The following SCFD1 variants were observed in gnomAD, a reference collection of about 807,000 sequenced individuals.
SCFD1 encodes the protein sec1 family domain-containing protein 1.
Under a neutral mutation model 103.2 loss-of-function variants are expected in SCFD1, and 37 were observed. The observed-to-expected ratio is 0.36, with a 90% confidence interval of 0.28 to 0.47. SCFD1 has a LOEUF of 0.47. SCFD1 is among the 20% of genes least tolerant of loss of function. The probability of loss-of-function intolerance (pLI) is 1.00; values close to 1 mark genes in which losing one functional copy is unlikely to be tolerated. For missense variants in SCFD1, 639 were observed against 761.2 expected (o/e 0.84, Z 1.89); for synonymous variants, 264 against 245.0 (o/e 1.08, Z -0.73).
At chr14:30,718,874 A>G (rs1332531414) in intron 20 of SCFD1, among the ~76,000 whole-genome samples, 2 of 152,236 alleles carry the variant, frequency 1.3e-5, no homozygotes, top group African/African-American at 4.8e-5. Flanking sequence ...CATTGGGTAC[A>G]GGACTAAATA....
intron 7 of SCFD1, among the ~76,000 whole-genome samples, chr14:30,647,851 A>G (rs1323623593): frequency 2.0e-5 from 3 of 151,980 alleles, no homozygotes; most frequent in Non-Finnish European, 4.4e-5. Context: ...GGGTTTCACC[A>G]TGTTGGCCAG....
chr14:30,646,136 C>T (rs893692475), intron 7 of SCFD1, among the ~76,000 whole-genome samples: 1 of 152,144 alleles, frequency 6.6e-6, no homozygotes, highest in Non-Finnish European at 1.5e-5. Context: ...AGCAATTCTG[C>T]CTCAGCCTCC....
intron 15 of SCFD1, among the ~76,000 whole-genome samples, chr14:30,698,562 C>T (rs1407989055): frequency 6.6e-6 from 1 of 152,182 alleles, no homozygotes; most frequent in Non-Finnish European, 1.5e-5. Flanking sequence ...CCCTAAAACT[C>T]GGAGGGAGGG....
chr14:30,626,298 G>A (rs1426695437), intron 1 of SCFD1, among the ~76,000 whole-genome samples: 4 of 152,008 alleles, frequency 2.6e-5, no homozygotes, highest in Non-Finnish European at 4.4e-5. Flanking sequence ...CAAAAATTAT[G>A]TCTGTAGGTG....
At chr14:30,722,768 A>G (rs1006639157) in intron 23 of SCFD1, 4 of 352,770 alleles carry the variant, frequency 1.1e-5, no homozygotes, top group African/African-American at 2.1e-5. Flanking sequence ...CTAGAAAACA[A>G]TGTATCTTAT....
intron 10 of SCFD1, among the ~76,000 whole-genome samples, chr14:30,654,372 T>A (rs1476404259): frequency 6.6e-6 from 1 of 152,168 alleles, no homozygotes; most frequent in Non-Finnish European, 1.5e-5. Context: ...GCCCAACATG[T>A]CATATAAACA....
At chr14:30,649,652 A>G (rs1886214723) in intron 8 of SCFD1, 69 bp downstream of exon 8, 5 of 1,156,208 alleles carry the variant, frequency 4.3e-6, no homozygotes, top group Non-Finnish European at 6.2e-6. Flanking sequence ...AAGTAACGCA[A>G]CTGTTTTGTT....
intron 14 of SCFD1, among the ~76,000 whole-genome samples, chr14:30,691,058 C>T (rs1890261969): frequency 6.6e-6 from 1 of 152,096 alleles, no homozygotes; most frequent in African/African-American, 2.4e-5. Context: ...TGAGAAAAGG[C>T]CTATAGAAGG....
rs879674343 is a variant in SCFD1 at position 30,639,833 on chromosome 14, T to C, written c.492T>C (p.Cys164=). 2.8e-5 allele frequency: 44 copies of C among 1,580,954 alleles called. No individual in the cohort carries two copies. The highest frequency in any genetic ancestry group is 2.9e-5 in the Non-Finnish European group (34 of 1,164,256). The change falls in exon 6 of 25, where the codon TGT becomes TGC. Residue 164 remains cysteine, a synonymous_variant. Coordinates refer to ENST00000458591, the MANE Select transcript of SCFD1 (RefSeq NM_016106.4). ...ITLEDDMFVL[C]NQNKELVSYR... is the part of the protein sequence containing the mutation. ...TGGAAGATGATATGTTTGTATTATG[T>C]AATCAAAATAAGGAGCTTGTTTCAT...
intron 5 of SCFD1, 102 bp from the exon 6 acceptor site, chr14:30,639,675 T>C (rs1885073301): frequency 1.7e-6 from 2 of 1,208,038 alleles, no homozygotes; most frequent in Admixed American, 7.0e-5. Flanking sequence ...GTAATTAGGA[T>C]TTTTTTTCAT....
rs568852503 is a variant in SCFD1, at chr14:30,727,093, G to GA, written c.1836+4534_1836+4535insA. Among the ~76,000 whole-genome samples, 83 of 152,224 alleles carry GA rather than the reference G, an allele frequency of 5.5e-4. 1 individual carries two copies. The East Asian group carries it at 0.016, about 29-fold the overall frequency. On this transcript the variant is annotated intron_variant, in intron 23 of 24. Transcript: ENST00000458591. ...TCTCAGCAAAAGATCAGGGCTATAAGTGTGTAAGCCCACCTAGTTATCCTT... is the reference window on the plus strand; with the variant it reads ...TCTCAGCAAAAGATCAGGGCTATAAGATGTGTAAGCCCACCTAGTTATCCTT...
At chr14:30,624,261 C>T (rs1338866799) in intron 1 of SCFD1, among the ~76,000 whole-genome samples, 1 of 152,178 alleles carries the variant, frequency 6.6e-6, no homozygotes, top group Non-Finnish European at 1.5e-5. Flanking sequence ...TCATTGAATG[C>T]GTCTTCGTTA....
intron 10 of SCFD1, among the ~76,000 whole-genome samples, chr14:30,668,422 G>C (rs1233028225): frequency 6.6e-6 from 1 of 152,112 alleles, no homozygotes; most frequent in Non-Finnish European, 1.5e-5. Flanking sequence ...AGACTTAAAT[G>C]TTAGACCTAA....
intron 24 of SCFD1, 161 bp downstream of exon 24, chr14:30,735,019 C>T: frequency 3.5e-6 from 2 of 573,330 alleles, no homozygotes; most frequent in Non-Finnish European, 3.1e-6. Flanking sequence ...ACTAAGAAAA[C>T]CTTGATAAGT....
At chr14:30,668,240 C>T (rs1161573628) in intron 10 of SCFD1, among the ~76,000 whole-genome samples, 1 of 152,008 alleles carries the variant, frequency 6.6e-6, no homozygotes, top group Non-Finnish European at 1.5e-5. Flanking sequence ...TCAGAAATAA[C>T]ACCACACATC....
At chr14:30,674,206 C>A (rs890780241) in intron 13 of SCFD1, among the ~76,000 whole-genome samples, 6 of 152,046 alleles carry the variant, frequency 3.9e-5, no homozygotes, top group Non-Finnish European at 8.8e-5. Flanking sequence ...CATTCTTTCA[C>A]CAGTTAGAAC....
chr14:30,679,151 G>A (rs1889269358), intron 14 of SCFD1, among the ~76,000 whole-genome samples: 1 of 151,966 alleles, frequency 6.6e-6, no homozygotes, highest in African/African-American at 2.4e-5. Flanking sequence ...AACCACAGTG[G>A]CCAGTAGCCA....
intron 19 of SCFD1, among the ~76,000 whole-genome samples, chr14:30,713,613 A>C (rs1279776858): frequency 6.6e-6 from 1 of 152,224 alleles, no homozygotes; most frequent in Non-Finnish European, 1.5e-5. Context: ...ATTGGTATGA[A>C]TATTCAGACT....
At chr14:30,658,780 A>G (rs1185794319) in intron 10 of SCFD1, among the ~76,000 whole-genome samples, 1 of 152,230 alleles carries the variant, frequency 6.6e-6, no homozygotes, top group Non-Finnish European at 1.5e-5. Flanking sequence ...TTGCAATGTA[A>G]CAGGTGCCTA....
Sources: gnomAD v4.1 joint callset for allele counts (sites outside exome capture counted in the v4.1 genomes callset) on GRCh38, gnomAD v4.1.1 for gene constraint, MANE v1.5 for transcripts, NCBI Gene and HGNC (gene_info 2026-07-23, HGNC 2026-07-21) for gene names.